The following PLCL1 variants were observed in gnomAD, a reference collection of about 807,000 sequenced individuals.
The protein encoded by PLCL1 is phospholipase C like 1 (inactive), also known as inactive phospholipase C-like protein 1.
Under a neutral mutation model 84.4 loss-of-function variants are expected in PLCL1, and 41 were observed. That is an observed-to-expected ratio of 0.49 (90% confidence interval 0.38 to 0.63). PLCL1 has a LOEUF of 0.63. PLCL1 is among the 30% of genes least tolerant of loss of function. The probability of loss-of-function intolerance (pLI) is 0.00; values close to 1 mark genes in which losing one functional copy is unlikely to be tolerated. For missense variants in PLCL1, 1,206 were observed against 1,367.8 expected (o/e 0.88, Z 1.87); for synonymous variants, 490 against 488.3 (o/e 1.00, Z -0.05).
intron 1 of PLCL1, among the ~76,000 whole-genome samples, chr2:198,038,882 T>A (rs1273881435): frequency 1.3e-5 from 2 of 151,902 alleles, no homozygotes; most frequent in East Asian, 3.9e-4. Flanking sequence ...TTCACTCAAT[T>A]TTTTATCTCG....
chr2:197,995,443 G>C (rs1240314341), intron 1 of PLCL1, among the ~76,000 whole-genome samples: 1 of 152,078 alleles, frequency 6.6e-6, no homozygotes, highest in Non-Finnish European at 1.5e-5. Context: ...AAAGCAACAA[G>C]TAAATAAAAA....
rs954722198 is a variant in PLCL1, at chr2:197,811,435, G to A, written c.240+6096G>A. ...AACCTAGTTTATTTTCAGCAGTGCC[G>A]TTTAAACTCATCTTATTAATAATCA... On this transcript the variant is annotated intron_variant, in intron 1 of 5. Transcript: ENST00000428675. Among the ~76,000 whole-genome samples the A allele has an allele frequency of 1.2e-4, 19 of 152,280 alleles. No homozygotes were observed. The East Asian group carries it at 2.7e-3, about 22-fold the overall frequency.
chr2:197,918,971 T>TTTCTCTCTCTCTCTCA (rs1553502303), intron 1 of PLCL1, among the ~76,000 whole-genome samples: 2 of 144,552 alleles, frequency 1.4e-5, no homozygotes, highest in Non-Finnish European at 3.0e-5. Flanking sequence ...TCTCTCTCCC[T>TTTCTCTCTCTCTCTCA]CACACACACA....
Position 198,084,290 on chromosome 2 carries a change from T to A in PLCL1, c.773T>A (p.Ile258Asn). ...GCAGCAGATGTTGATGGGAATGGGA[T>A]TATGTTGGAAGACACCTCTGTAGAG... ...FEAADVDGNG[I>N]MLEDTSVELI... is the part of the protein sequence containing the mutation. Residue 258 changes from isoleucine to asparagine, a missense_variant, in exon 2 of 6, where the codon ATT becomes AAT. Physicochemically the swap from Ile to Asn is moderately radical, Grantham distance 149. Transcript: ENST00000428675. 1.2e-6 allele frequency: 2 copies of A among 1,614,040 alleles called. No individual in the cohort carries two copies. The highest frequency in any genetic ancestry group is 1.7e-6 in the Non-Finnish European group (2 of 1,179,952).
intron 1 of PLCL1, among the ~76,000 whole-genome samples, chr2:197,932,532 C>T (rs983177809): frequency 6.6e-6 from 1 of 152,078 alleles, no homozygotes; most frequent in Non-Finnish European, 1.5e-5. Flanking sequence ...CCCCCCAAAC[C>T]CAGCAGGCCC....
At chr2:198,090,293 AC>A (rs1692989824) in intron 3 of PLCL1, among the ~76,000 whole-genome samples, 3 of 152,164 alleles carry the variant, frequency 2.0e-5, no homozygotes, top group Admixed American at 2.0e-4. Context: ...GATTTAAATT[AC>A]ATTTCTATGA....
At chr2:197,949,953 G>A (rs1208369010) in intron 1 of PLCL1, among the ~76,000 whole-genome samples, 1 of 152,152 alleles carries the variant, frequency 6.6e-6, no homozygotes, top group East Asian at 1.9e-4. Flanking sequence ...TTGGAAGTGG[G>A]AGTTGAGATG....
intron 5 of PLCL1, among the ~76,000 whole-genome samples, chr2:198,109,710 G>A (rs370927243): frequency 4.2e-4 from 64 of 151,836 alleles, no homozygotes; most frequent in African/African-American, 1.4e-3. Flanking sequence ...GACTTTTTAA[G>A]TACAAAAAGA....
chr2:198,003,385 T>A (rs7579905), intron 1 of PLCL1, among the ~76,000 whole-genome samples: 35,405 of 152,070 alleles, frequency 0.23, 4,289 homozygotes, highest in African/African-American at 0.31. Context: ...CTTATGAGCA[T>A]ATTAGTGAAT....
chr2:197,846,145 C>A (rs895639925), intron 1 of PLCL1, among the ~76,000 whole-genome samples: 3 of 152,200 alleles, frequency 2.0e-5, no homozygotes, highest in African/African-American at 7.2e-5. Flanking sequence ...TGTATATACA[C>A]TTTTTCCAGG....
intron 1 of PLCL1, among the ~76,000 whole-genome samples, chr2:197,858,350 G>A (rs1687367363): frequency 6.6e-6 from 1 of 152,098 alleles, no homozygotes; most frequent in South Asian, 2.1e-4. Flanking sequence ...AAGTTAATGA[G>A]GCTTAGCGAA....
chr2:198,022,376 A>G (rs1691156662), intron 1 of PLCL1, among the ~76,000 whole-genome samples: 2 of 152,202 alleles, frequency 1.3e-5, no homozygotes, highest in African/African-American at 4.8e-5. Context: ...CTCCTATTCA[A>G]CATAGTATTG....
chr2:198,138,540 TTAA>T (rs1694310553), intron 5 of PLCL1, among the ~76,000 whole-genome samples: 1 of 152,188 alleles, frequency 6.6e-6, no homozygotes, highest in Non-Finnish European at 1.5e-5. Context: ...ATGATATTAA[TTAA>T]TTATTATTAT....
rs1312076415 is a variant in PLCL1 at position 198,084,654 on chromosome 2, G to A, written c.1137G>A (p.Gln379=). The A allele has an allele frequency of 4.3e-6, 7 of 1,614,034 alleles. No homozygotes were observed. The highest frequency in any genetic ancestry group is 1.7e-4 in the Middle Eastern group (1 of 6,058). ...TTCTTGCAATTGATGGCTTTACCCA[G>A]TATTTATTGTCATCAGAATGTGACA... is the stretch of plus-strand genomic sequence containing the variant. ...KGFLAIDGFT[Q]YLLSSECDIF... is the part of the protein sequence containing the mutation. The change falls in exon 2 of 6, where the codon CAG becomes CAA. Residue 379 remains glutamine (Q), a synonymous_variant. Coordinates refer to ENST00000428675, the MANE Select transcript of PLCL1 (RefSeq NM_006226.4).
At chr2:198,072,634 T>C (rs1330557545) in intron 1 of PLCL1, among the ~76,000 whole-genome samples, 6 of 152,072 alleles carry the variant, frequency 3.9e-5, no homozygotes, top group Non-Finnish European at 8.8e-5. Context: ...ATGGTTTTGA[T>C]TATGTTAAGG....
intron 1 of PLCL1, among the ~76,000 whole-genome samples, chr2:197,927,928 C>T (rs1688863741): frequency 6.6e-6 from 1 of 151,998 alleles, no homozygotes; most frequent in Admixed American, 6.6e-5. Context: ...GTAGTTTTCC[C>T]CTCTTTTAGG....
At chr2:198,013,284 T>A (rs6748683) in intron 1 of PLCL1, among the ~76,000 whole-genome samples, 109,653 of 151,852 alleles carry the variant, frequency 0.72, 40,447 homozygotes, top group African/African-American at 0.87. Flanking sequence ...CATTTTAATG[T>A]TATCACTCCT....
At chr2:197,873,130 T>C (rs1687676263) in intron 1 of PLCL1, among the ~76,000 whole-genome samples, 1 of 152,194 alleles carries the variant, frequency 6.6e-6, no homozygotes, top group Non-Finnish European at 1.5e-5. Context: ...TGCTCATTTT[T>C]ATAATATAAT....
intron 1 of PLCL1, among the ~76,000 whole-genome samples, chr2:197,990,390 T>C (rs1303557879): frequency 6.6e-6 from 1 of 152,184 alleles, no homozygotes; most frequent in Non-Finnish European, 1.5e-5. Flanking sequence ...GCTAACCTAA[T>C]ATGACTGGAA....
Sources: allele counts gnomAD v4.1 joint callset (sites outside exome capture counted in the v4.1 genomes callset), GRCh38; gene constraint gnomAD v4.1.1; transcripts MANE v1.5; gene names NCBI Gene and HGNC (gene_info 2026-07-23, HGNC 2026-07-21).